The following TENM3 variants were observed in gnomAD, a reference collection of about 807,000 sequenced individuals.
TENM3 encodes teneurin transmembrane protein 3.
TENM3 carries 63 observed loss-of-function variants against 255.1 expected under a neutral mutation model. That is an observed-to-expected ratio of 0.25 (90% confidence interval 0.20 to 0.30). The LOEUF (loss-of-function observed/expected upper bound fraction) is 0.30. Ranked by LOEUF, TENM3 falls within the 10% of genes least tolerant of loss-of-function variation. The pLI is 1.00. For synonymous variants in TENM3, 1,306 were observed against 1,322.3 expected (o/e 0.99, Z 0.27); for missense variants, 2,929 against 3,461.1 (o/e 0.85, Z 3.86).
chr4:182,675,838 T>C (rs1247807947), intron 7 of TENM3, among the ~76,000 whole-genome samples: 3 of 152,348 alleles, frequency 2.0e-5, no homozygotes, highest in South Asian at 2.1e-4. Flanking sequence ...GTATATAACA[T>C]TTAAGATTAG....
At chr4:181,967,446 T>C in the TENM3 span, among the ~76,000 whole-genome samples, 1 of 152,242 alleles carries the variant, frequency 6.6e-6, no homozygotes, top group East Asian at 1.9e-4. Flanking sequence ...TTGTTCCTCC[T>C]GTTAATTTTT....
chr4:182,019,707 C>G, the TENM3 span, among the ~76,000 whole-genome samples: 1 of 152,152 alleles, frequency 6.6e-6, no homozygotes, highest in Non-Finnish European at 1.5e-5. Context: ...GAGACAGGGT[C>G]TTGCTCTGTC....
chr4:182,319,020 A>G (rs1762899862), intron 1 of TENM3, among the ~76,000 whole-genome samples: 1 of 152,170 alleles, frequency 6.6e-6, no homozygotes, highest in Non-Finnish European at 1.5e-5. Flanking sequence ...CTCTCACCTC[A>G]GCCTCCCAAA....
the TENM3 span, among the ~76,000 whole-genome samples, chr4:181,980,726 T>C: frequency 6.6e-6 from 1 of 152,306 alleles, no homozygotes; most frequent in Admixed American, 6.5e-5. Context: ...CATTTAACAA[T>C]AACTAGAATA....
At chr4:181,746,761 T>C in the TENM3 span, among the ~76,000 whole-genome samples, 1 of 152,080 alleles carries the variant, frequency 6.6e-6, no homozygotes, top group East Asian at 1.9e-4. Context: ...AGCTATTTTT[T>C]TTTTTTACTT....
the TENM3 span, among the ~76,000 whole-genome samples, chr4:181,479,562 A>G: frequency 6.6e-6 from 1 of 152,080 alleles, no homozygotes; most frequent in African/African-American, 2.4e-5. Flanking sequence ...CCTGTACTTT[A>G]TTCTACTGTC....
chr4:181,978,645 C>CAAAAAAAAA, the TENM3 span, among the ~76,000 whole-genome samples: 1 of 73,004 alleles, frequency 1.4e-5, no homozygotes, highest in Non-Finnish European at 2.8e-5. Flanking sequence ...GAGTCCATCT[C>CAAAAAAAAA]AAAAAAAAAA....
chr4:182,660,997 T>C (rs928911305), intron 6 of TENM3, among the ~76,000 whole-genome samples: 5 of 152,108 alleles, frequency 3.3e-5, no homozygotes, highest in Non-Finnish European at 7.3e-5. Context: ...TAGCCTAGGA[T>C]AATTTAGGAT....
At chr4:182,437,094 C>T (rs1439760287) in intron 3 of TENM3, among the ~76,000 whole-genome samples, 2 of 151,648 alleles carry the variant, frequency 1.3e-5, no homozygotes, top group Non-Finnish European at 2.9e-5. Context: ...CTTCTCACCT[C>T]TTAAATGCAT....
At chr4:181,566,586 G>C in the TENM3 span, among the ~76,000 whole-genome samples, 3 of 152,014 alleles carry the variant, frequency 2.0e-5, no homozygotes, top group Admixed American at 2.0e-4. Flanking sequence ...GCAGGATCTC[G>C]TAGCATTGGG....
upstream of TENM3, among the ~76,000 whole-genome samples, chr4:182,241,521 T>C (rs1757256550): frequency 7.0e-6 from 1 of 142,308 alleles, no homozygotes; most frequent in Non-Finnish European, 1.5e-5. Context: ...TTTCTTTCTT[T>C]TTTTTTTTTT....
the TENM3 span, among the ~76,000 whole-genome samples, chr4:181,942,528 A>G: frequency 3.9e-5 from 6 of 152,272 alleles, no homozygotes; most frequent in Admixed American, 3.9e-4. Context: ...CCATCAGGGC[A>G]GCTATGTGGA....
At chr4:181,993,221 T>C in the TENM3 span, among the ~76,000 whole-genome samples, 13 of 152,148 alleles carry the variant, frequency 8.5e-5, no homozygotes, top group Non-Finnish European at 1.8e-4. Flanking sequence ...GCTAATTTGC[T>C]TTAATTAGTT....
the TENM3 span, among the ~76,000 whole-genome samples, chr4:181,810,713 T>C: frequency 6.6e-6 from 1 of 152,096 alleles, no homozygotes; most frequent in Non-Finnish European, 1.5e-5. Flanking sequence ...AGGACAGAAT[T>C]ATGCCAGTGG....
intron 3 of TENM3, among the ~76,000 whole-genome samples, chr4:182,536,710 T>C (rs1740356730): frequency 6.6e-6 from 1 of 152,194 alleles, no homozygotes; most frequent in African/African-American, 2.4e-5. Context: ...TGGTTTAGGC[T>C]TCATTCCTCA....
the TENM3 span, among the ~76,000 whole-genome samples, chr4:181,819,551 G>GT: frequency 2.0e-5 from 3 of 152,308 alleles, no homozygotes; most frequent in East Asian, 5.8e-4. Flanking sequence ...TAGAACAGCA[G>GT]TGCTCAACCT....
At chr4:182,749,870 T>C (rs1762253520) in intron 19 of TENM3, among the ~76,000 whole-genome samples, 1 of 152,130 alleles carries the variant, frequency 6.6e-6, no homozygotes, top group Non-Finnish European at 1.5e-5. Flanking sequence ...TAGAGGGGCC[T>C]CTCCAATGTC....
intron 3 of TENM3, among the ~76,000 whole-genome samples, chr4:182,403,787 T>C (rs1769365348): frequency 6.6e-6 from 1 of 152,172 alleles, no homozygotes. Flanking sequence ...AGTGGCATGA[T>C]CATGGCTCAC....
chr4:182,583,261 A>G (rs181681833), intron 3 of TENM3, among the ~76,000 whole-genome samples: 1 of 152,064 alleles, frequency 6.6e-6, no homozygotes, highest in East Asian at 1.9e-4. Context: ...CTAGATTTAT[A>G]TTTTGTAAAA....
Sources: allele counts gnomAD v4.1 joint callset (sites outside exome capture counted in the v4.1 genomes callset), GRCh38; gene constraint gnomAD v4.1.1; transcripts MANE v1.5; gene names NCBI Gene and HGNC (gene_info 2026-07-23, HGNC 2026-07-21).